LMO7: variants seen among roughly 807,000 people sequenced by gnomAD.
The protein encoded by LMO7 is LIM domain 7, also known as LIM domain only protein 7.
In LMO7, 120 loss-of-function variants were observed where a neutral mutation model predicts 206.5. The ratio of observed to expected loss-of-function variants is 0.58; its 90% CI spans 0.50 to 0.68. LMO7 has a LOEUF of 0.68. Ranked by LOEUF, LMO7 falls within the 30% of genes least tolerant of loss-of-function variation. The pLI, the probability that LMO7 is intolerant of heterozygous loss-of-function variation, is 0.00. For missense variants in LMO7, 1,959 were observed against 1,957.9 expected, an observed-to-expected ratio of 1.00 and a Z score of -0.01; for synonymous variants, 706 against 681.5, an observed-to-expected ratio of 1.04 and a Z score of -0.56.
chr13:75,673,048 A>G (rs906700932), intron 1 of LMO7, among the ~76,000 whole-genome samples: 1 of 152,186 alleles, frequency 6.6e-6, no homozygotes, highest in East Asian at 1.9e-4. Context: ...TTCCTAGAGT[A>G]CAAAAATTAT....
chr13:75,642,201 A>G (rs761327067), intron 1 of LMO7, among the ~76,000 whole-genome samples: 4 of 152,204 alleles, frequency 2.6e-5, no homozygotes, highest in Non-Finnish European at 5.9e-5. Context: ...GGAGGGTTCC[A>G]GTGCAGTGTC....
At chr13:75,733,398 G>A (rs1159211250) in intron 3 of LMO7, among the ~76,000 whole-genome samples, 1 of 152,216 alleles carries the variant, frequency 6.6e-6, no homozygotes, top group Non-Finnish European at 1.5e-5. Flanking sequence ...CTAGCAATCA[G>A]CAAGACTCCG....
At chr13:75,692,403 T>TC in intron 1 of LMO7, among the ~76,000 whole-genome samples, 3 of 152,036 alleles carry the variant, frequency 2.0e-5, no homozygotes, top group African/African-American at 7.2e-5. Flanking sequence ...TCCTTTTTTT[T>TC]TTTTTCTTTC....
chr13:75,685,820 C>T (rs1594274413), intron 1 of LMO7, among the ~76,000 whole-genome samples: 1 of 151,524 alleles, frequency 6.6e-6, no homozygotes, highest in South Asian at 2.1e-4. Flanking sequence ...AAAATGGCTA[C>T]TCTTACATCA....
chr13:75,808,259 C>T (rs766786957), intron 10 of LMO7, 60 bp downstream of exon 10: 1 of 1,495,386 alleles, frequency 6.7e-7, no homozygotes, highest in Non-Finnish European at 8.9e-7. Flanking sequence ...TAACTTTTCT[C>T]ATGCGAGAAA....
chr13:75,662,099 T>G (rs1238538990), intron 1 of LMO7, among the ~76,000 whole-genome samples: 1 of 152,216 alleles, frequency 6.6e-6, no homozygotes, highest in East Asian at 1.9e-4. Flanking sequence ...TGTTAAACTT[T>G]ATGGATCAAG....
In LMO7 at chr13:75,716,894, C is replaced by CTT. The variant is rs35871564; in HGVS notation, c.140+3657_140+3658dup. 2.3e-3 allele frequency among the ~76,000 whole-genome samples: 319 copies of CTT among 138,748 alleles called. 2 individuals are homozygous for CTT. Among genetic ancestry groups the CTT allele is most frequent in the East Asian group, 4.2e-3 (20 of 4,768 alleles). 91.0% of individuals were successfully genotyped at this position (138,748 alleles called of 152,430 possible). A position where few individuals can be genotyped will look rare whatever the true frequency, so the allele number is the denominator to read the frequency against. On this transcript the variant is annotated intron_variant, in intron 2 of 30. Coordinates refer to ENST00000377534, the MANE Select transcript of LMO7 (RefSeq NM_001306080.2). Reference sequence around the variant, plus strand: ...TTGGAAATATTCAAATGAAAACACTCTTTTTTTTTTTTTTTTCTCTGATGA... The same window carrying CTT: ...TTGGAAATATTCAAATGAAAACACTCTTTTTTTTTTTTTTTTTTCTCTGATGA...
chr13:75,856,064 C>A lies in LMO7; in HGVS notation c.4771-442C>A, dbSNP rs182074136. ...GGGCACATGGAATCGAAATATCCAG[C>A]CTTGAAGTGAGGCGCTGTGTGGGAA... On this transcript the variant is annotated intron_variant, in intron 29 of 30. Transcript: ENST00000377534. Among the ~76,000 whole-genome samples the A allele has an allele frequency of 4.1e-3, 619 of 152,214 alleles. 18 individuals are homozygous for A. Among genetic ancestry groups the A allele is most frequent in the Non-Finnish European group, 9.3e-4 (63 of 67,996 alleles).
intron 4 of LMO7, among the ~76,000 whole-genome samples, chr13:75,773,038 G>A (rs2049955337): frequency 6.6e-6 from 1 of 152,104 alleles, no homozygotes. Flanking sequence ...AAGTGGTGGG[G>A]ATGTAAGTCT....
intron 1 of LMO7, among the ~76,000 whole-genome samples, chr13:75,681,811 G>C (rs1157847226): frequency 1.4e-5 from 2 of 147,818 alleles, no homozygotes; most frequent in East Asian, 2.0e-4. Context: ...ATGTATTTGA[G>C]ACATATCCGT....
intron 3 of LMO7, among the ~76,000 whole-genome samples, chr13:75,731,401 T>C (rs1269223650): frequency 6.6e-6 from 1 of 150,868 alleles, no homozygotes; most frequent in Non-Finnish European, 1.5e-5. Flanking sequence ...CTTTGTCTCT[T>C]TTGATCTGTG....
At chr13:75,696,487 A>G (rs184189453) in intron 1 of LMO7, among the ~76,000 whole-genome samples, 153 of 152,296 alleles carry the variant, frequency 1.0e-3, no homozygotes, top group African/African-American at 3.6e-3. Context: ...CCCATTCAAA[A>G]ATCAAGCACC....
At chr13:75,770,209 G>C (rs756442634) in intron 4 of LMO7, among the ~76,000 whole-genome samples, 9 of 151,910 alleles carry the variant, frequency 5.9e-5, no homozygotes, top group Middle Eastern at 3.4e-3. Context: ...AAGGGGCCTG[G>C]TCCATGTCCT....
Position 75,820,304 on chromosome 13 carries a change from A to T in LMO7, c.2207+769A>T, listed in dbSNP as rs546401615. Among the ~76,000 whole-genome samples the T allele has an allele frequency of 3.7e-4, 57 of 152,314 alleles. 1 individual carries two copies. In the South Asian group the frequency reaches 0.011, roughly 30 times the overall value. ...TTTATGAACCTTTCTATAAATATGA[A>T]TGGTGACTTTTAATCCCTGATAAAT... On this transcript the variant is annotated intron_variant, in intron 13 of 30. Transcript: ENST00000377534.
At chr13:75,749,021 G>T (rs1351984585) in intron 3 of LMO7, among the ~76,000 whole-genome samples, 1 of 151,952 alleles carries the variant, frequency 6.6e-6, no homozygotes, top group African/African-American at 2.4e-5. Context: ...TGCCCAGGCT[G>T]GTCTGGAACT....
At chr13:75,845,822 T>C (rs2059947401) in intron 26 of LMO7, among the ~76,000 whole-genome samples, 1 of 152,202 alleles carries the variant, frequency 6.6e-6, no homozygotes, top group Non-Finnish European at 1.5e-5. Context: ...AATTTGGACT[T>C]GACATTGTCA....
chr13:75,826,594 A>G (rs1016032504), intron 15 of LMO7, among the ~76,000 whole-genome samples: 3 of 152,148 alleles, frequency 2.0e-5, no homozygotes, highest in African/African-American at 7.2e-5. Flanking sequence ...TCACAGCTGA[A>G]GTTAGTGTGC....
At chr13:75,824,327 C>T (rs2057900355) in intron 15 of LMO7, among the ~76,000 whole-genome samples, 1 of 152,122 alleles carries the variant, frequency 6.6e-6, no homozygotes, top group South Asian at 2.1e-4. Context: ...CATGGCATTT[C>T]TTTTTCGATA....
At chr13:75,847,083 G>A (rs1467243270) in intron 26 of LMO7, among the ~76,000 whole-genome samples, 1 of 149,802 alleles carries the variant, frequency 6.7e-6, no homozygotes, top group African/African-American at 2.5e-5. Flanking sequence ...AAATTGATAA[G>A]CTTTGTATGT....
Sources: allele counts gnomAD v4.1 joint callset (sites outside exome capture counted in the v4.1 genomes callset), GRCh38; gene constraint gnomAD v4.1.1; transcripts MANE v1.5; gene names NCBI Gene and HGNC (gene_info 2026-07-23, HGNC 2026-07-21).